Variants in CAMK2A observed in about 807,000 individuals in gnomAD.
CAMK2A encodes the protein calcium/calmodulin-dependent protein kinase type II subunit alpha.
In CAMK2A, 7 loss-of-function variants were observed where a neutral mutation model predicts 79.2. The observed-to-expected ratio is 0.09, with a 90% CI of 0.05 to 0.17. CAMK2A has a LOEUF of 0.17. Among genes scored for constraint, CAMK2A ranks in the 10% least tolerant of loss-of-function variants. The pLI is 1.00. For synonymous variants in CAMK2A, 242 were observed against 251.7 expected (o/e 0.96, Z 0.36); for missense variants, 214 against 646.4 (o/e 0.33, Z 7.25).
chr5:150,274,559 C>T (rs1756875326), intron 1 of CAMK2A, among the ~76,000 whole-genome samples: 1 of 152,196 alleles, frequency 6.6e-6, no homozygotes, highest in South Asian at 2.1e-4. Context: ...CGATACTGAC[C>T]GTAGTCACCA....
rs1296335627 is a variant in CAMK2A at position 150,259,921 on chromosome 5, A to T, written c.218-2304T>A. On this transcript the variant is annotated intron_variant, in intron 3 of 18. Transcript: ENST00000671881. ...GAGACGGAGGTTGCAATAAGCCGAG[A>T]TCATGCCACTGCACTCCAGCCTGGG... is the stretch of plus-strand genomic sequence containing the variant. 2.0e-5 allele frequency among the ~76,000 whole-genome samples: 3 copies of T among 152,268 alleles called. No individual in the cohort carries two copies. The East Asian group carries it at 5.8e-4, about 29-fold the overall frequency.
At chr5:150,231,737 G>T (rs577859747) in intron 15 of CAMK2A, among the ~76,000 whole-genome samples, 23 of 152,198 alleles carry the variant, frequency 1.5e-4, no homozygotes, top group African/African-American at 5.3e-4. Flanking sequence ...GTAAATCCAG[G>T]TCTTGGCTCC....
intron 15 of CAMK2A, among the ~76,000 whole-genome samples, chr5:150,235,932 G>A (rs777983808): frequency 4.6e-5 from 7 of 152,158 alleles, no homozygotes; most frequent in Non-Finnish European, 7.4e-5. Context: ...GCTCCTGGCT[G>A]ACCGTTTCTT....
chr5:150,252,788 C>T (rs1332375080), intron 7 of CAMK2A, among the ~76,000 whole-genome samples: 1 of 152,174 alleles, frequency 6.6e-6, no homozygotes, highest in Middle Eastern at 3.2e-3. Flanking sequence ...GAGGGACACA[C>T]AATTATTATT....
At chr5:150,268,727 A>G (rs996814143) in intron 2 of CAMK2A, among the ~76,000 whole-genome samples, 1 of 152,208 alleles carries the variant, frequency 6.6e-6, no homozygotes, top group Admixed American at 6.5e-5. Context: ...ATTTCAATCC[A>G]TGTACATAGC....
chr5:150,228,421 G>A, intron 16 of CAMK2A, 135 bp from the exon 17 acceptor site: 1 of 635,942 alleles, frequency 1.6e-6, no homozygotes, highest in Non-Finnish European at 2.7e-6. Flanking sequence ...AAGGGGCCAG[G>A]GGCTTGCAAG....
chr5:150,244,383 T>C (rs993099839), intron 13 of CAMK2A, among the ~76,000 whole-genome samples: 7 of 152,252 alleles, frequency 4.6e-5, no homozygotes, highest in African/African-American at 1.7e-4. Context: ...TCCAATGTCC[T>C]GGGCACATCC....
intron 2 of CAMK2A, among the ~76,000 whole-genome samples, chr5:150,270,572 A>C (rs746791143): frequency 3.9e-5 from 6 of 152,118 alleles, no homozygotes; most frequent in Non-Finnish European, 8.8e-5. Flanking sequence ...TGTGTTGCCA[A>C]ATATTCAGCA....
intron 17 of CAMK2A, among the ~76,000 whole-genome samples, chr5:150,224,691 C>T (rs1439846793): frequency 6.6e-6 from 1 of 151,990 alleles, no homozygotes; most frequent in Non-Finnish European, 1.5e-5. Context: ...AGAGGTCACC[C>T]AGCAGCCGAA....
chr5:150,250,894 AG>A (rs1236564719), intron 9 of CAMK2A, 84 bp from the exon 10 acceptor site: 1 of 1,510,332 alleles, frequency 6.6e-7, no homozygotes, highest in Non-Finnish European at 9.1e-7. Context: ...GCAGGGGAGC[AG>A]GCAGGGGTCC....
At chr5:150,276,590 A>G (rs891515848) in intron 1 of CAMK2A, among the ~76,000 whole-genome samples, 8 of 152,200 alleles carry the variant, frequency 5.3e-5, no homozygotes, top group Non-Finnish European at 5.9e-5. Flanking sequence ...GCTGGGGGCC[A>G]TGATTCTCAA....
intron 15 of CAMK2A, among the ~76,000 whole-genome samples, chr5:150,234,271 CTGTTTCCTGA>C (rs1754971902): frequency 6.6e-6 from 1 of 152,162 alleles, no homozygotes; most frequent in African/African-American, 2.4e-5. Context: ...TGCTCAATGC[CTGTTTCCTGA>C]GGTCTGCTTC....
intron 2 of CAMK2A, among the ~76,000 whole-genome samples, chr5:150,269,334 C>T (rs1275889793): frequency 6.6e-6 from 1 of 152,132 alleles, no homozygotes; most frequent in African/African-American, 2.4e-5. Context: ...GGTGAGGTCC[C>T]TGGGGCCAGA....
intron 2 of CAMK2A, among the ~76,000 whole-genome samples, chr5:150,266,690 A>G (rs1756526372): frequency 6.6e-6 from 1 of 152,092 alleles, no homozygotes; most frequent in Non-Finnish European, 1.5e-5. Context: ...TGGGCTTTCA[A>G]TCCTGGGCTA....
intron 2 of CAMK2A, chr5:150,265,466 A>C: frequency 6.2e-6 from 1 of 162,046 alleles, no homozygotes; most frequent in African/African-American, 2.4e-5. Flanking sequence ...ACTCACTCCT[A>C]CCAATCCTTA....
At chr5:150,277,403 C>T (rs1756993914) in intron 1 of CAMK2A, among the ~76,000 whole-genome samples, 1 of 152,222 alleles carries the variant, frequency 6.6e-6, no homozygotes, top group Non-Finnish European at 1.5e-5. Context: ...TGGAAATCAG[C>T]ACTGATGGGG....
At chr5:150,269,637 A>G (rs1756653548) in intron 2 of CAMK2A, among the ~76,000 whole-genome samples, 1 of 152,056 alleles carries the variant, frequency 6.6e-6, no homozygotes, top group South Asian at 2.1e-4. Flanking sequence ...TAAAGACGTG[A>G]GCCACCAAAC....
Position 150,221,006 on chromosome 5 carries a change from T to A in CAMK2A, c.*1704A>T, listed in dbSNP as rs957658231. 3.3e-5 allele frequency: 5 copies of A among 153,218 alleles called. No individual in the cohort carries two copies. Among genetic ancestry groups the A allele is most frequent in the Admixed American group, 1.3e-4 (2 of 15,298 alleles). The allele number at this position is 153,218 out of a possible 1,614,324, so 9.5% of individuals were successfully genotyped here. On this transcript the variant is annotated 3_prime_UTR_variant, in exon 19 of 19. Transcript: ENST00000671881. ...CCTGGGGACGTGGCTCTTCCTCCCC[T>A]AAAATCCTCCAGAGGGGACAGTATC...
rs1266510293 is a variant in CAMK2A at position 150,256,298 on chromosome 5, A to G, written c.411+275T>C. 1.3e-5 allele frequency among the ~76,000 whole-genome samples: 2 copies of G among 152,136 alleles called. No homozygotes were observed. The highest frequency in any genetic ancestry group is 4.8e-5 in the African/African-American group (2 of 41,422). ...GCCTGCCTTCTTCCCCACCCACCGT[A>G]GCCAGTCATGACAGTATAACTGCAG... On this transcript the variant is annotated intron_variant, in intron 6 of 18. Transcript: ENST00000671881. This position sits in a 1 kb window ranked among gnomAD's most constrained non-coding sequence, Gnocchi z 4.6.
Sources: allele counts gnomAD v4.1 joint callset (sites outside exome capture counted in the v4.1 genomes callset), GRCh38; gene constraint gnomAD v4.1.1; non-coding constraint Gnocchi (gnomAD v3.1); transcripts MANE v1.5; gene names NCBI Gene and HGNC (gene_info 2026-07-23, HGNC 2026-07-21).